MEGF11: variants seen among roughly 807,000 people sequenced by gnomAD.
MEGF11 encodes the protein multiple EGF like domains 11.
In MEGF11, 126 loss-of-function variants were observed where a neutral mutation model predicts 146.6. The ratio of observed to expected loss-of-function variants is 0.86; its 90% confidence interval spans 0.74 to 1.00. MEGF11 has a LOEUF of 1.00. Among genes scored for constraint, MEGF11 ranks in the 50% least tolerant of loss-of-function variants. The probability of loss-of-function intolerance (pLI) is 0.00; values close to 1 mark genes in which losing one functional copy is unlikely to be tolerated. For missense variants in MEGF11, 1,509 were observed against 1,521.2 expected (o/e 0.99, Z 0.13); for synonymous variants, 532 against 583.4 (o/e 0.91, Z 1.27).
intron 13 of MEGF11, among the ~76,000 whole-genome samples, chr15:65,924,183 G>T (rs1442536508): frequency 2.0e-5 from 3 of 152,048 alleles, no homozygotes; most frequent in Non-Finnish European, 4.4e-5. Context: ...GGCGAGGAGA[G>T]GGGAGGGAGG....
chr15:66,157,673 C>A (rs115766844), intron 1 of MEGF11, among the ~76,000 whole-genome samples: 2 of 152,122 alleles, frequency 1.3e-5, no homozygotes, highest in Admixed American at 6.5e-5. Flanking sequence ...GTCCTGCAGA[C>A]GCCTGACAGA....
intron 10 of MEGF11, among the ~76,000 whole-genome samples, chr15:65,934,618 G>C (rs1458425564): frequency 2.0e-5 from 3 of 152,192 alleles, no homozygotes; most frequent in Non-Finnish European, 4.4e-5. Context: ...TCACCAGAAA[G>C]ACCAAGGCAG....
At chr15:65,998,262 C>T (rs577608014) in intron 5 of MEGF11, among the ~76,000 whole-genome samples, 6 of 152,116 alleles carry the variant, frequency 3.9e-5, no homozygotes, top group Non-Finnish European at 8.8e-5. Context: ...TAGGCCAGTG[C>T]CTGCTCGCTT....
At chr15:66,199,645 T>C (rs2091100280) in intron 1 of MEGF11, among the ~76,000 whole-genome samples, 1 of 152,152 alleles carries the variant, frequency 6.6e-6, no homozygotes, top group South Asian at 2.1e-4. Context: ...AAAAATTCTC[T>C]GGGCATAGTG....
chr15:66,214,227 G>A (rs1213530276), intron 1 of MEGF11, among the ~76,000 whole-genome samples: 9 of 151,982 alleles, frequency 5.9e-5, no homozygotes, highest in Admixed American at 5.2e-4. Context: ...TAGAGACAGG[G>A]TTTCACCATG....
intron 5 of MEGF11, among the ~76,000 whole-genome samples, chr15:66,084,076 A>C (rs2086002012): frequency 6.6e-6 from 1 of 152,206 alleles, no homozygotes; most frequent in Admixed American, 6.5e-5. Flanking sequence ...GTTGTTGTGC[A>C]AACATCATAG....
In MEGF11 at chr15:66,039,572, A is replaced by G. The variant is rs928244565; in HGVS notation, c.394+54830T>C. Among the ~76,000 whole-genome samples the G allele has an allele frequency of 4.6e-5, 7 of 152,184 alleles. No homozygotes were observed. The South Asian group carries it at 6.2e-4, about 13-fold the overall frequency. On this transcript the variant is annotated intron_variant, in intron 5 of 25. Coordinates refer to ENST00000395614, the MANE Select transcript of MEGF11 (RefSeq NM_001385028.1). Reference sequence around the variant, plus strand: ...CACAGTGAGTTGAGTAGACTGCCCAACGTAACTCAGGTTACGTTAAGTGGC... The same window carrying G: ...CACAGTGAGTTGAGTAGACTGCCCAGCGTAACTCAGGTTACGTTAAGTGGC...
At chr15:66,250,358 G>T (rs1451363335) in intron 1 of MEGF11, among the ~76,000 whole-genome samples, 1 of 152,154 alleles carries the variant, frequency 6.6e-6, no homozygotes, top group African/African-American at 2.4e-5. Flanking sequence ...CTATTATATT[G>T]TCCCATTTCA....
chr15:66,214,890 G>A (rs1430223888), intron 1 of MEGF11, among the ~76,000 whole-genome samples: 1 of 152,124 alleles, frequency 6.6e-6, no homozygotes, highest in African/African-American at 2.4e-5. Flanking sequence ...GGGGTAAGAG[G>A]AGAGGAGGGA....
At chr15:66,218,565 C>T (rs1288020003) in intron 1 of MEGF11, among the ~76,000 whole-genome samples, 3 of 152,062 alleles carry the variant, frequency 2.0e-5, no homozygotes, top group African/African-American at 7.2e-5. Context: ...GGCACTGGAG[C>T]GGGGATGAAG....
chr15:65,916,737 C>T, intron 17 of MEGF11, 91 bp downstream of exon 17: 2 of 1,549,760 alleles, frequency 1.3e-6, no homozygotes, highest in Non-Finnish European at 1.7e-6. Context: ...CTGCATTCCT[C>T]CCTCCCTGCT....
intron 1 of MEGF11, among the ~76,000 whole-genome samples, chr15:66,160,064 G>T (rs766993898): frequency 1.3e-5 from 2 of 152,132 alleles, no homozygotes; most frequent in Non-Finnish European, 2.9e-5. Context: ...GATAGATGGA[G>T]ACCCTTTCAC....
At chr15:65,972,139 TTAAAAATAATAG>T (rs374801863) in intron 7 of MEGF11, among the ~76,000 whole-genome samples, 17 of 150,768 alleles carry the variant, frequency 1.1e-4, no homozygotes, top group African/African-American at 4.1e-4. Context: ...AGAGATGAGA[TTAAAAATAATAG>T]AGAAAATATA....
chr15:66,070,654 G>A (rs947737117), intron 5 of MEGF11, among the ~76,000 whole-genome samples: 2 of 152,178 alleles, frequency 1.3e-5, no homozygotes, highest in African/African-American at 2.4e-5. Context: ...GTCATCTTAC[G>A]CAGGTATACT....
At chr15:66,082,002 G>C (rs946162988) in intron 5 of MEGF11, among the ~76,000 whole-genome samples, 1 of 152,178 alleles carries the variant, frequency 6.6e-6, no homozygotes, top group African/African-American at 2.4e-5. Context: ...GCCAGAAATA[G>C]AGTCAGCCAG....
chr15:66,200,607 C>A (rs2091131786), intron 1 of MEGF11, among the ~76,000 whole-genome samples: 1 of 152,112 alleles, frequency 6.6e-6, no homozygotes, highest in Non-Finnish European at 1.5e-5. Context: ...GCCTAGGCTA[C>A]CCAACAAGGA....
chr15:66,182,607 G>A (rs1231971506), intron 1 of MEGF11, among the ~76,000 whole-genome samples: 1 of 152,186 alleles, frequency 6.6e-6, no homozygotes, highest in African/African-American at 2.4e-5. Context: ...AGCACTTCAG[G>A]AGCTCAAGGG....
chr15:66,219,713 A>AC (rs2091683374), intron 1 of MEGF11, among the ~76,000 whole-genome samples: 1 of 150,576 alleles, frequency 6.6e-6, no homozygotes, highest in East Asian at 1.9e-4. Flanking sequence ...ACAAAACAAA[A>AC]AAAAACGTAT....
At position 65,979,652 on chromosome 15, in the gene MEGF11, A is replaced by G. The variant is rs548456095; in HGVS notation, c.762+1126T>C. Among the ~76,000 whole-genome samples, 45 of 152,332 alleles carry G rather than the reference A, an allele frequency of 3.0e-4. 1 individual carries two copies. The highest frequency in any genetic ancestry group is 3.4e-3 in the Middle Eastern group (1 of 294). ...GGCTTGGTCTGCGAGGCAGGCACTG[A>G]CAGGCAGGGTATGTTGGCTAAAAGG... On this transcript the variant is annotated intron_variant, in intron 7 of 25. Transcript: ENST00000395614.
Sources: allele counts gnomAD v4.1 joint callset (sites outside exome capture counted in the v4.1 genomes callset), GRCh38; gene constraint gnomAD v4.1.1; transcripts MANE v1.5; gene names NCBI Gene and HGNC (gene_info 2026-07-23, HGNC 2026-07-21).